The following ESR1 variants were observed in gnomAD, a reference collection of about 807,000 sequenced individuals.
The protein encoded by ESR1 is estrogen receptor 1.
ESR1 carries 12 observed loss-of-function variants against 52.7 expected under a neutral mutation model. The ratio of observed to expected loss-of-function variants is 0.23; its 90% CI spans 0.15 to 0.37. ESR1 has a LOEUF of 0.37. Ranked by LOEUF, ESR1 falls within the 10% of genes least tolerant of loss-of-function variation. The pLI, the probability that ESR1 is intolerant of heterozygous loss-of-function variation, is 1.00. For synonymous variants in ESR1, 305 were observed against 316.8 expected (o/e 0.96, Z 0.39); for missense variants, 584 against 779.7 (o/e 0.75, Z 2.99).
At chr6:151,991,756 C>T (rs2041045443) in intron 4 of ESR1, among the ~76,000 whole-genome samples, 1 of 152,098 alleles carries the variant, frequency 6.6e-6, no homozygotes, top group Admixed American at 6.6e-5. Flanking sequence ...TGTGATTCTG[C>T]CTCTCCCCTT....
At chr6:151,731,466 C>T (rs2982562) in intron 2 of ESR1, among the ~76,000 whole-genome samples, 72,358 of 151,856 alleles carry the variant, frequency 0.48, 18,537 homozygotes, top group Non-Finnish European at 0.56. Context: ...GCAATGTGGA[C>T]ATGGGCAGCT....
chr6:151,657,311 T>C (rs1777488307), intron 1 of ESR1, among the ~76,000 whole-genome samples: 1 of 152,184 alleles, frequency 6.6e-6, no homozygotes, highest in Non-Finnish European at 1.5e-5. Flanking sequence ...AGATAACTTT[T>C]ATGGGTACTA....
In ESR1 at chr6:152,003,338, TTATG is replaced by T. The variant is rs781025603; in HGVS notation, c.1097-8316_1097-8313del. Among the ~76,000 whole-genome samples the T allele has an allele frequency of 2.6e-4, 33 of 128,692 alleles. No individual in the cohort carries two copies. In the South Asian group the frequency reaches 4.5e-3, roughly 18 times the overall value. 84.4% of individuals were successfully genotyped at this position (128,692 alleles called of 152,430 possible). On this transcript the variant is annotated intron_variant, in intron 4 of 7. Transcript: ENST00000206249. ...GTTAAATGGAGGGAAAAAAGGGTAA[TTATG>T]TGTGTGTGTGTGTGTGTGTGTGTGT... is the stretch of plus-strand genomic sequence containing the variant.
At chr6:152,060,654 G>A (rs1322687225) in intron 5 of ESR1, among the ~76,000 whole-genome samples, 4 of 152,110 alleles carry the variant, frequency 2.6e-5, no homozygotes, top group South Asian at 2.1e-4. Flanking sequence ...ATCAATATAC[G>A]TGTATTAGAT....
intron 5 of ESR1, among the ~76,000 whole-genome samples, chr6:152,052,349 GCT>G (rs2046754531): frequency 6.6e-6 from 1 of 152,146 alleles, no homozygotes; most frequent in Admixed American, 6.5e-5. Context: ...CTTTATCAGT[GCT>G]CAATAAGCTC....
intron 1 of ESR1, among the ~76,000 whole-genome samples, chr6:151,664,571 A>G (rs1777753163): frequency 6.6e-6 from 1 of 152,196 alleles, no homozygotes; most frequent in Admixed American, 6.5e-5. Flanking sequence ...TTTCCAGCCC[A>G]TCTGATAAAG....
At chr6:151,942,642 T>C (rs1245581422) in intron 3 of ESR1, among the ~76,000 whole-genome samples, 1 of 151,004 alleles carries the variant, frequency 6.6e-6, no homozygotes, top group Non-Finnish European at 1.5e-5. Flanking sequence ...ATATTATATA[T>C]ATAAAACATA....
chr6:151,954,264 T>C (rs2036656756), intron 4 of ESR1, among the ~76,000 whole-genome samples: 1 of 152,206 alleles, frequency 6.6e-6, no homozygotes, highest in Non-Finnish European at 1.5e-5. Context: ...TGTAAGTAAA[T>C]TGCTTGACGT....
chr6:152,028,047 G>C (rs1369433464), intron 5 of ESR1, among the ~76,000 whole-genome samples: 1 of 152,086 alleles, frequency 6.6e-6, no homozygotes, highest in Non-Finnish European at 1.5e-5. Context: ...GGGAGGCTGA[G>C]GCAGGAGAAT....
intron 3 of ESR1, among the ~76,000 whole-genome samples, chr6:151,904,861 T>C (rs1243671478): frequency 6.6e-6 from 1 of 152,156 alleles, no homozygotes; most frequent in Non-Finnish European, 1.5e-5. Flanking sequence ...TTAGTACTGG[T>C]AATGGGCCAG....
At chr6:151,832,066 G>A (rs1373150389) in intron 1 of ESR1, among the ~76,000 whole-genome samples, 1 of 152,132 alleles carries the variant, frequency 6.6e-6, no homozygotes, top group African/African-American at 2.4e-5. Flanking sequence ...AAGACACCAT[G>A]ATTACAAATA....
intron 3 of ESR1, among the ~76,000 whole-genome samples, chr6:151,932,856 G>C (rs1173420664): frequency 2.1e-5 from 3 of 145,186 alleles, no homozygotes; most frequent in African/African-American, 7.5e-5. Context: ...GGTTACTGTA[G>C]CCTTGTAGTA....
chr6:151,857,108 A>T (rs1203904278), intron 2 of ESR1, among the ~76,000 whole-genome samples: 1 of 152,164 alleles, frequency 6.6e-6, no homozygotes, highest in Non-Finnish European at 1.5e-5. Context: ...ACATAAGTAC[A>T]GTCCACCCTC....
At chr6:151,912,365 C>G (rs1255904460) in intron 3 of ESR1, among the ~76,000 whole-genome samples, 1 of 152,176 alleles carries the variant, frequency 6.6e-6, no homozygotes, top group Non-Finnish European at 1.5e-5. Context: ...CACGTGTCTC[C>G]CTTATTACAG....
At chr6:151,846,913 T>A (rs1785220522) in intron 2 of ESR1, among the ~76,000 whole-genome samples, 1 of 152,156 alleles carries the variant, frequency 6.6e-6, no homozygotes, top group Admixed American at 6.6e-5. Context: ...ATACTACCTT[T>A]GAGTATTACT....
At chr6:152,107,202 C>A (rs924412542), downstream of ESR1, among the ~76,000 whole-genome samples, 2 of 152,090 alleles carry the variant, frequency 1.3e-5, no homozygotes, top group African/African-American at 4.8e-5. Context: ...TTCATCTCTC[C>A]CCTCCCTTGC....
At chr6:151,930,837 A>T (rs1584296200) in intron 3 of ESR1, among the ~76,000 whole-genome samples, 1 of 152,068 alleles carries the variant, frequency 6.6e-6, no homozygotes, top group African/African-American at 2.4e-5. Context: ...TCAACATTTT[A>T]TATATTTTAC....
intron 6 of ESR1, among the ~76,000 whole-genome samples, chr6:152,064,363 T>C (rs2128968485): frequency 6.6e-6 from 1 of 152,342 alleles, no homozygotes; most frequent in South Asian, 2.1e-4. Flanking sequence ...CTCTGCCCAA[T>C]GGGAATTCAG....
chr6:152,027,252 A>G (rs2044231325), intron 5 of ESR1, among the ~76,000 whole-genome samples: 1 of 152,188 alleles, frequency 6.6e-6, no homozygotes, highest in Non-Finnish European at 1.5e-5. Flanking sequence ...GGTGTAAGCC[A>G]CCGCACCCAG....
Sources: allele counts gnomAD v4.1 joint callset (sites outside exome capture counted in the v4.1 genomes callset), GRCh38; gene constraint gnomAD v4.1.1; transcripts MANE v1.5; gene names NCBI Gene and HGNC (gene_info 2026-07-23, HGNC 2026-07-21).